DUSP8: variants seen among roughly 807,000 people sequenced by gnomAD.
DUSP8 encodes dual specificity phosphatase 8.
In DUSP8, 15 loss-of-function variants were observed where a neutral mutation model predicts 38.7. The observed-to-expected ratio is 0.39, with a 90% CI of 0.26 to 0.60. The LOEUF (loss-of-function observed/expected upper bound fraction) is 0.60. Among genes scored for constraint, DUSP8 ranks in the 20% least tolerant of loss-of-function variants. DUSP8 has a pLI of 0.56. For missense variants in DUSP8, 768 were observed against 915.0 expected (o/e 0.84, Z 2.07); for synonymous variants, 458 against 433.9 (o/e 1.06, Z -0.69).
Position 1,556,809 on chromosome 11 carries a change from C to T in DUSP8, c.1587G>A (p.Glu529=). The change falls in exon 7 of 7, where the codon GAG becomes GAA. Residue 529 remains glutamate, a synonymous_variant. Transcript: ENST00000397374. This position sits in a 1 kb window ranked among gnomAD's most constrained non-coding sequence, Gnocchi z 5.2. ...SPDGPWCFSP[E]GAQGAGGVLF... ...GCACCCCGCCCGCCCCCTGTGCGCC[C>T]TCGGGGCTGAAGCACCAGGGCCCGT... 8.6e-7 allele frequency: 1 copy of T among 1,169,130 alleles called. No homozygotes were observed. The highest frequency in any genetic ancestry group is 1.1e-6 in the Non-Finnish European group (1 of 947,890). The allele number at this position is 1,169,130 out of a possible 1,614,324, so 72.4% of individuals were successfully genotyped here. A position where few individuals can be genotyped will look rare whatever the true frequency, so the allele number is the denominator to read the frequency against.
chr11:1,562,219 G>A lies in DUSP8; in HGVS notation c.370+1632C>T, dbSNP rs1044776576. Among the ~76,000 whole-genome samples, 15 of 152,214 alleles carry A rather than the reference G, an allele frequency of 9.9e-5. No individual in the cohort carries two copies. The East Asian group carries it at 1.3e-3, about 14-fold the overall frequency. ...CCCCAAACCGTCCCACTCTGGCCTC[G>A]AGGGAGACAGGCCCTTCCAGGCTTG... On this transcript the variant is annotated intron_variant, in intron 3 of 6. Transcript: ENST00000397374.
Position 1,556,790 on chromosome 11 carries a change from C to T in DUSP8, c.1606G>A (p.Gly536Arg), listed in dbSNP as rs1257244193. 5.4e-5 allele frequency: 64 copies of T among 1,180,288 alleles called. No homozygotes were observed. Among genetic ancestry groups the T allele is most frequent in the Non-Finnish European group, 6.7e-5 (64 of 955,178 alleles). The allele number at this position is 1,180,288 out of a possible 1,614,324, so 73.1% of individuals were successfully genotyped here. A position where few individuals can be genotyped will look rare whatever the true frequency, so the allele number is the denominator to read the frequency against. Residue 536 changes from glycine to arginine, a missense_variant, in exon 7 of 7, where the codon GGG becomes AGG. By Grantham distance (125) the Gly-to-Arg change is moderately radical (BLOSUM62 -2). Coordinates refer to ENST00000397374, the MANE Select transcript of DUSP8 (RefSeq NM_004420.3). The surrounding 1 kb of genome is among the most constrained non-coding windows in gnomAD (Gnocchi z 5.2). Reference protein sequence around the residue: ...FSPEGAQGAGGVLFAPFGRAG... With the variant: ...FSPEGAQGAGRVLFAPFGRAG... Reference sequence around the variant, plus strand: ...CGGCCGAAGGGCGCAAACAGCACCCCGCCCGCCCCCTGTGCGCCCTCGGGG... The same window carrying T: ...CGGCCGAAGGGCGCAAACAGCACCCTGCCCGCCCCCTGTGCGCCCTCGGGG...
In DUSP8 at chr11:1,556,770, G is replaced by T. The variant is rs1293431790; in HGVS notation, c.1626C>A (p.Phe542Leu). ...QGAGGVLFAP[F>L]GRAGAPGPGG... ...CTGGTCCCGGGGCGCCCGCCCGGCC[G>T]AAGGGCGCAAACAGCACCCCGCCCG... The change falls in exon 7 of 7, where the codon TTC (phenylalanine) becomes TTA (leucine). Residue 542 changes from phenylalanine (F) to leucine (L), a missense_variant. By Grantham distance (22) the Phe-to-Leu change is conservative. Transcript: ENST00000397374. This position sits in a 1 kb window ranked among gnomAD's most constrained non-coding sequence, Gnocchi z 5.2. The T allele has an allele frequency of 6.7e-6, 8 of 1,193,640 alleles. No homozygotes were observed. Among genetic ancestry groups the T allele is most frequent in the African/African-American group, 1.6e-5 (1 of 62,606 alleles). 73.9% of individuals were successfully genotyped at this position (1,193,640 alleles called of 1,614,324 possible).
Position 1,557,931 on chromosome 11 carries a change from C to A in DUSP8, c.698-14G>T. ...GCTTGGCTTTATCTGGGCAGGTGGG[C>A]CATGGGGGCCAGGTGAGGGCTAAGA... On this transcript the variant is annotated splice_polypyrimidine_tract_variant and intron_variant, in intron 5 of 6. Transcript: ENST00000397374. The surrounding 1 kb of genome is among the most constrained non-coding windows in gnomAD (Gnocchi z 9.9). 1 of 1,613,662 alleles carries A rather than the reference C, an allele frequency of 6.2e-7. No homozygotes were observed. Among genetic ancestry groups the A allele is most frequent in the Non-Finnish European group, 8.5e-7 (1 of 1,179,972 alleles).
Position 1,559,046 on chromosome 11 carries a change from G to A in DUSP8, c.380C>T (p.Ala127Val). 1 of 1,610,020 alleles carries A rather than the reference G, an allele frequency of 6.2e-7. No individual in the cohort carries two copies. The highest frequency in any genetic ancestry group is 1.3e-5 in the African/African-American group (1 of 74,942). Residue 127 changes from alanine (A) to valine (V), a missense_variant, in exon 4 of 7, where the codon GCC (alanine) becomes GTC (valine). Ala to Val is a moderately conservative substitution (Grantham distance 64). Coordinates refer to ENST00000397374, the MANE Select transcript of DUSP8 (RefSeq NM_004420.3). Reference sequence around the variant, plus strand: ...GCCGGGGAAGCAGGAGGAGAAGGTGGCGAAGCCCCCTGTAGGAGGAGGGCC... The same window carrying A: ...GCCGGGGAAGCAGGAGGAGAAGGTGACGAAGCCCCCTGTAGGAGGAGGGCC... The part of the protein sequence containing the change: ...DSVAILTGGF[A>V]TFSSCFPGLC...
chr11:1,566,143 C>T (rs1848801114), intron 1 of DUSP8, among the ~76,000 whole-genome samples: 2 of 152,110 alleles, frequency 1.3e-5, no homozygotes, highest in African/African-American at 2.4e-5. Context: ...CAAATGGGCC[C>T]CACAGAGAAG....
chr11:1,558,071 C>G lies in DUSP8; in HGVS notation c.697+41G>C, dbSNP rs1848663255. 2.5e-6 allele frequency: 4 copies of G among 1,611,774 alleles called. No individual in the cohort carries two copies. Among genetic ancestry groups the G allele is most frequent in the Non-Finnish European group, 3.4e-6 (4 of 1,179,794 alleles). ...TGTGGCCACACACAGCTCTAGCCTT[C>G]CTCTAGCCAGGTCCCTGCCCTCCGC... On this transcript the variant is annotated intron_variant, in intron 5 of 6. Transcript: ENST00000397374. The surrounding 1 kb of genome is among the most constrained non-coding windows in gnomAD (Gnocchi z 6.3).
At position 1,557,405 on chromosome 11, in the gene DUSP8, G is replaced by T. The variant is rs763115741; in HGVS notation, c.991C>A (p.Arg331=). The T allele has an allele frequency of 1.3e-6, 2 of 1,568,104 alleles. No homozygotes were observed. The highest frequency in any genetic ancestry group is 1.8e-5 in the Admixed American group (1 of 55,490). Residue 331 remains arginine (R), a synonymous_variant, in exon 7 of 7, where the codon CGG becomes AGG. Transcript: ENST00000397374. The surrounding 1 kb of genome is among the most constrained non-coding windows in gnomAD (Gnocchi z 9.9). ...PSPAAGAPLP[R]LPPPTSESAA... ...CTCTCTGAGGTAGGTGGTGGCAGCC[G>T]TGGCAGCGGGGCCCCGGCGGCAGGA...
rs1848662050 is a variant in DUSP8, at chr11:1,557,965, C to G, written c.698-48G>C. Reference sequence around the variant, plus strand: ...CCAGGTGAGGGCTAAGACTGCACAGCTTCTCCCTGGCCCAGGTAGGGGACC... The same window carrying G: ...CCAGGTGAGGGCTAAGACTGCACAGGTTCTCCCTGGCCCAGGTAGGGGACC... On this transcript the variant is annotated intron_variant, in intron 5 of 6. Coordinates refer to ENST00000397374, the MANE Select transcript of DUSP8 (RefSeq NM_004420.3). This position sits in a 1 kb window ranked among gnomAD's most constrained non-coding sequence, Gnocchi z 9.9. The G allele has an allele frequency of 6.2e-7, 1 of 1,612,354 alleles. No homozygotes were observed. Among genetic ancestry groups the G allele is most frequent in the Non-Finnish European group, 8.5e-7 (1 of 1,179,260 alleles).
chr11:1,559,238 G>T (rs1013943616), intron 3 of DUSP8, 183 bp from the exon 4 acceptor site: 3 of 559,668 alleles, frequency 5.4e-6, no homozygotes, highest in Middle Eastern at 4.6e-4. Flanking sequence ...GCGGTGGGGG[G>T]AGGGGGTACT....
chr11:1,569,856 G>A (rs902225), intron 1 of DUSP8, among the ~76,000 whole-genome samples: 8,887 of 152,272 alleles, frequency 0.058, 332 homozygotes, highest in Non-Finnish European at 0.077. Context: ...CTGTTACCCA[G>A]GGATGCTTCT....
rs373215160 is a variant in DUSP8 at position 1,557,508 on chromosome 11, G to C, written c.888C>G (p.Tyr296Ter). 2 of 1,588,810 alleles carry C rather than the reference G, an allele frequency of 1.3e-6. No individual in the cohort carries two copies. The highest frequency in any genetic ancestry group is 1.7e-6 in the Non-Finnish European group (2 of 1,176,104). Reference protein sequence around the residue: ...NFNFLGQLLEYERSLKLLAAL... With the variant: ...NFNFLGQLLE ...CGGCCAGCAGCTTCAGGCTGCGCTC[G>C]TACTCCAGCAGCTGGCCCAGGAAGT... is the stretch of plus-strand genomic sequence containing the variant. The change falls in exon 7 of 7, where the codon TAC becomes TAG. Residue 296 changes from tyrosine (Y) to a stop codon, truncating the protein, a stop_gained. Transcript: ENST00000397374. LOFTEE classifies it high-confidence loss of function. The surrounding 1 kb of genome is among the most constrained non-coding windows in gnomAD (Gnocchi z 9.9).
intron 1 of DUSP8, among the ~76,000 whole-genome samples, chr11:1,567,936 T>C (rs1848828640): frequency 6.6e-6 from 1 of 152,136 alleles, no homozygotes; most frequent in African/African-American, 2.4e-5. Flanking sequence ...TGTTTGTCCT[T>C]CCCGAGTTCT....
Position 1,558,797 on chromosome 11 carries a change from TC to T in DUSP8, c.537+91del. 1.4e-6 allele frequency: 2 copies of T among 1,450,932 alleles called. No homozygotes were observed. Among genetic ancestry groups the T allele is most frequent in the Non-Finnish European group, 1.9e-6 (2 of 1,072,758 alleles). 89.9% of individuals were successfully genotyped at this position (1,450,932 alleles called of 1,614,324 possible). ...GCTCATCCACTGCCTTCAGCTCCTT[TC>T]CTCCCTCATCCCCCGCTCCGCTGCC... On this transcript the variant is annotated intron_variant, in intron 4 of 6. Transcript: ENST00000397374. The surrounding 1 kb of genome is among the most constrained non-coding windows in gnomAD (Gnocchi z 6.3).
chr11:1,569,909 GT>G (rs1848862162), intron 1 of DUSP8, among the ~76,000 whole-genome samples: 1 of 152,206 alleles, frequency 6.6e-6, no homozygotes, highest in Non-Finnish European at 1.5e-5. Context: ...GGAGAGACTG[GT>G]GGGTGGCAAC....
rs1239171213 is a variant in DUSP8, at chr11:1,556,935, G to A, written c.1461C>T (p.Gly487=). 9.3e-6 allele frequency: 10 copies of A among 1,077,512 alleles called. No homozygotes were observed. Among genetic ancestry groups the A allele is most frequent in the African/African-American group, 3.4e-5 (2 of 58,392 alleles). 66.7% of individuals were successfully genotyped at this position (1,077,512 alleles called of 1,614,324 possible). A position where few individuals can be genotyped will look rare whatever the true frequency, so the allele number is the denominator to read the frequency against. Reference sequence around the variant, plus strand: ...GCCCGGGCGCCGACAGGGCCGAGAGGCCGTGCCGCGGAGTCTGCCGGGCCG... The same window carrying A: ...GCCCGGGCGCCGACAGGGCCGAGAGACCGTGCCGCGGAGTCTGCCGGGCCG... ...GDAARQTPRH[G]LSALSAPGLP... Residue 487 remains glycine (G), a synonymous_variant, in exon 7 of 7, where the codon GGC becomes GGT. Transcript: ENST00000397374. This position sits in a 1 kb window ranked among gnomAD's most constrained non-coding sequence, Gnocchi z 5.2.
Position 1,556,685 on chromosome 11 carries a change from T to A in DUSP8, c.1711A>T (p.Thr571Ser). The change falls in exon 7 of 7, where the codon ACC becomes TCC. Residue 571 changes from threonine (T) to serine (S), a missense_variant. Coordinates refer to ENST00000397374, the MANE Select transcript of DUSP8 (RefSeq NM_004420.3). The surrounding 1 kb of genome is among the most constrained non-coding windows in gnomAD (Gnocchi z 5.2). The part of the protein sequence containing the change: ...AARAEPRDAR[T>S]GWPEEPAPET... ...GGGGCCGGCTCCTCGGGCCAGCCGGTCCGCGCGTCCCGGGGCTCAGCCCTC... is the reference window on the plus strand; with the variant it reads ...GGGGCCGGCTCCTCGGGCCAGCCGGACCGCGCGTCCCGGGGCTCAGCCCTC... 3.0e-6 allele frequency: 4 copies of A among 1,322,220 alleles called. No homozygotes were observed. The highest frequency in any genetic ancestry group is 3.9e-6 in the Non-Finnish European group (4 of 1,033,126). 81.9% of individuals were successfully genotyped at this position (1,322,220 alleles called of 1,614,324 possible).
At chr11:1,568,817 C>G (rs1848845772) in intron 1 of DUSP8, among the ~76,000 whole-genome samples, 1 of 152,238 alleles carries the variant, frequency 6.6e-6, no homozygotes, top group African/African-American at 2.4e-5. Context: ...GCCGAGTGCC[C>G]CCTCCTGCAG....
chr11:1,565,690 G>A lies in DUSP8; in HGVS notation c.137C>T (p.Ser46Phe). 1 of 1,611,956 alleles carries A rather than the reference G, an allele frequency of 6.2e-7. No homozygotes were observed. The highest frequency in any genetic ancestry group is 8.5e-7 in the Non-Finnish European group (1 of 1,179,706). Residue 46 changes from serine (S) to phenylalanine (F), a missense_variant, in exon 2 of 7, where the codon TCC becomes TTC. By Grantham distance (155) the Ser-to-Phe change is radical. Around this residue, in one of 3 missense-constraint regions of DUSP8, gnomAD observed 252 missense variants for 410.4 expected, o/e 0.61. Transcript: ENST00000397374. ...CAGCTTGGAGCAGCAGATGTTGACG[G>A]AGCTGAGCACATGCCAGCTGTTGTA... ...VEYNSWHVLS[S>F]VNICCSKLVK...
Sources: gnomAD v4.1 joint callset for allele counts (sites outside exome capture counted in the v4.1 genomes callset) on GRCh38, gnomAD v4.1.1 for gene constraint, gnomAD v4.1.1 regional missense constraint, Gnocchi (gnomAD v3.1) non-coding constraint, MANE v1.5 for transcripts, NCBI Gene and HGNC (gene_info 2026-07-23, HGNC 2026-07-21) for gene names.